Variants in HTR3B observed in about 807,000 individuals in gnomAD.
The protein encoded by HTR3B is 5-hydroxytryptamine (serotonin) receptor 3B, ionotropic.
Under a neutral mutation model 42.8 loss-of-function variants are expected in HTR3B, and 44 were observed. The observed-to-expected ratio is 1.03, with a 90% CI of 0.81 to 1.32. HTR3B has a LOEUF of 1.32. Ranked by LOEUF, HTR3B falls within the 40% of genes most tolerant of loss-of-function variation. HTR3B has a pLI of 0.00. For synonymous variants in HTR3B, 203 were observed against 209.0 expected, an observed-to-expected ratio of 0.97 and a Z score of 0.25; for missense variants, 527 against 536.5, an observed-to-expected ratio of 0.98 and a Z score of 0.17.
At chr11:113,935,622 T>C (rs141485509) in intron 6 of HTR3B, among the ~76,000 whole-genome samples, 1 of 152,286 alleles carries the variant, frequency 6.6e-6, no homozygotes, top group Non-Finnish European at 1.5e-5. Flanking sequence ...TCTTACTCCA[T>C]ACCAGACATC....
At chr11:113,919,223 G>C (rs1172790691) in intron 2 of HTR3B, among the ~76,000 whole-genome samples, 2 of 151,936 alleles carry the variant, frequency 1.3e-5, no homozygotes, top group Non-Finnish European at 2.9e-5. Flanking sequence ...AGTGTACTTA[G>C]AATTAATATT....
intron 6 of HTR3B, among the ~76,000 whole-genome samples, chr11:113,940,809 G>C (rs959760547): frequency 5.9e-5 from 9 of 152,302 alleles, no homozygotes; most frequent in South Asian, 2.1e-4. Flanking sequence ...ACTGGCCTTT[G>C]CACTTCATCT....
intron 2 of HTR3B, among the ~76,000 whole-genome samples, chr11:113,922,053 C>G (rs887736375): frequency 2.0e-5 from 3 of 152,132 alleles, no homozygotes; most frequent in Non-Finnish European, 2.9e-5. Flanking sequence ...GTAAGTCATT[C>G]ATTCTGCTAT....
intron 2 of HTR3B, among the ~76,000 whole-genome samples, chr11:113,913,613 C>T (rs1591572027): frequency 6.6e-6 from 1 of 152,142 alleles, no homozygotes; most frequent in South Asian, 2.1e-4. Context: ...CTCCCAGGTT[C>T]AAGCCATACT....
chr11:113,944,682 C>G lies in HTR3B; in HGVS notation c.1017C>G (p.Phe339Leu). ...AGCGTGGTGGACAGGAGCAGCCCTT[C>G]TTGTGCCTTCGAGGGGACACCGATG... ...DEQRGGQEQP[F>L]LCLRGDTDAD... The change falls in exon 8 of 9, where the codon TTC (phenylalanine) becomes TTG (leucine). Residue 339 changes from phenylalanine (F) to leucine (L), a missense_variant. Phe to Leu is a conservative substitution (Grantham distance 22). Transcript: ENST00000260191. 1 of 1,614,136 alleles carries G rather than the reference C, an allele frequency of 6.2e-7. No homozygotes were observed. The highest frequency in any genetic ancestry group is 8.5e-7 in the Non-Finnish European group (1 of 1,180,030).
chr11:113,942,097 C>T (rs11605098), intron 6 of HTR3B, among the ~76,000 whole-genome samples: 30,047 of 151,980 alleles, frequency 0.2, 3,232 homozygotes, highest in South Asian at 0.33. Flanking sequence ...AAGCCAGGCA[C>T]GGTGGCTCAC....
Position 113,931,815 on chromosome 11 carries a change from A to G in HTR3B, c.316A>G (p.Ile106Val), listed in dbSNP as rs1489249520. Residue 106 changes from isoleucine (I) to valine (V), a missense_variant, in exon 4 of 9, where the codon ATC becomes GTC. Coordinates refer to ENST00000260191, the MANE Select transcript of HTR3B (RefSeq NM_006028.5). Reference protein sequence around the residue: ...NSSMFDEIREISLPLSAIWAP... With the variant: ...NSSMFDEIREVSLPLSAIWAP... ...CAGCATGTTTGATGAGATTAGAGAGATCTCCCTACCTCTAAGTGCCATCTG... is the reference window on the plus strand; with the variant it reads ...CAGCATGTTTGATGAGATTAGAGAGGTCTCCCTACCTCTAAGTGCCATCTG... 2 of 1,612,598 alleles carry G rather than the reference A, an allele frequency of 1.2e-6. No homozygotes were observed. The highest frequency in any genetic ancestry group is 1.7e-5 in the Admixed American group (1 of 59,990).
rs1325069998 is a variant in HTR3B, at chr11:113,948,765, A to G, written c.*2628A>G. On this transcript the variant is annotated 3_prime_UTR_variant, in exon 9 of 9. Coordinates refer to ENST00000260191, the MANE Select transcript of HTR3B (RefSeq NM_006028.5). ...GTAATCCCACCTACTCGGGGGGCTG[A>G]GGCAGGAGAATCGCTTGAACCCAGG... Among the ~76,000 whole-genome samples, 1 of 152,012 alleles carries G rather than the reference A, an allele frequency of 6.6e-6. No individual in the cohort carries two copies. Among genetic ancestry groups the G allele is most frequent in the Admixed American group, 6.6e-5 (1 of 15,254 alleles).
Position 113,931,848 on chromosome 11 carries a change from G to T in HTR3B, c.349G>T (p.Asp117Tyr). The change falls in exon 4 of 9, where the codon GAT (aspartate) becomes TAT (tyrosine). Residue 117 changes from aspartate (D) to tyrosine (Y), a missense_variant. Asp to Tyr is a radical substitution (Grantham distance 160). Coordinates refer to ENST00000260191, the MANE Select transcript of HTR3B (RefSeq NM_006028.5). ...SLPLSAIWAP[D>Y]IIINEFVDIE... ...ACCTCTAAGTGCCATCTGGGCCCCC[G>T]ATATCATCATCAATGAGTTGTAAGT... The T allele has an allele frequency of 6.3e-7, 1 of 1,588,440 alleles. No homozygotes were observed. Among genetic ancestry groups the T allele is most frequent in the Non-Finnish European group, 8.6e-7 (1 of 1,156,598 alleles).
chr11:113,939,291 G>A (rs184906971), intron 6 of HTR3B, among the ~76,000 whole-genome samples: 3 of 152,290 alleles, frequency 2.0e-5, no homozygotes, highest in African/African-American at 7.2e-5. Context: ...TTCATTTACT[G>A]TTGACATCCA....
chr11:113,928,466 T>G (rs1334739735), intron 2 of HTR3B, among the ~76,000 whole-genome samples: 1 of 152,214 alleles, frequency 6.6e-6, no homozygotes, highest in Admixed American at 6.5e-5. Flanking sequence ...TATTTGTCCT[T>G]CTGTGACTGG....
intron 2 of HTR3B, among the ~76,000 whole-genome samples, chr11:113,927,683 C>T (rs1349906646): frequency 6.6e-6 from 1 of 152,002 alleles, no homozygotes; most frequent in Non-Finnish European, 1.5e-5. Context: ...CTACCTCAGC[C>T]TCCCGAGTAG....
At chr11:113,940,330 G>A (rs1257007304) in intron 6 of HTR3B, among the ~76,000 whole-genome samples, 6 of 152,144 alleles carry the variant, frequency 3.9e-5, no homozygotes, top group Non-Finnish European at 7.4e-5. Context: ...GTCAGCAGGG[G>A]TGGTCACCCC....
chr11:113,914,412 C>G (rs7927816), intron 2 of HTR3B, among the ~76,000 whole-genome samples: 1 of 149,876 alleles, frequency 6.7e-6, no homozygotes, highest in African/African-American at 2.5e-5. Context: ...TGCAGTGAGC[C>G]GAGATCACGC....
intron 8 of HTR3B, 113 bp downstream of exon 8, chr11:113,944,868 C>T: frequency 2.1e-6 from 2 of 933,256 alleles, no homozygotes; most frequent in Non-Finnish European, 3.2e-6. Flanking sequence ...CCTACAACAA[C>T]TGCTTCTTAG....
Position 113,931,420 on chromosome 11 carries a change from T to C in HTR3B, c.250T>C (p.Tyr84His). ...ENQILKTSVW[Y>H]QEVWNDEFLS... ...TCAAATATTAAAGACAAGTGTATGGTACCAAGAGGTAAATAATTATGTTTT... is the reference window on the plus strand; with the variant it reads ...TCAAATATTAAAGACAAGTGTATGGCACCAAGAGGTAAATAATTATGTTTT... The change falls in exon 3 of 9, where the codon TAC becomes CAC. Residue 84 changes from tyrosine to histidine, a missense_variant. Tyr to His is a moderately conservative substitution (Grantham distance 83, BLOSUM62 2). Transcript: ENST00000260191. 6.3e-7 allele frequency: 1 copy of C among 1,590,702 alleles called. No individual in the cohort carries two copies. The highest frequency in any genetic ancestry group is 8.6e-7 in the Non-Finnish European group (1 of 1,164,822).
intron 2 of HTR3B, among the ~76,000 whole-genome samples, chr11:113,914,541 G>C (rs1298616973): frequency 2.0e-5 from 3 of 150,976 alleles, no homozygotes; most frequent in Non-Finnish European, 3.0e-5. Context: ...GGAGTCCAGG[G>C]ACACAATCTC....
chr11:113,940,680 G>A (rs1348841504), intron 6 of HTR3B, among the ~76,000 whole-genome samples: 1 of 152,210 alleles, frequency 6.6e-6, no homozygotes, highest in East Asian at 1.9e-4. Context: ...GGCTTGCCAA[G>A]CTCCACAGAG....
At chr11:113,918,203 T>C (rs1260912496) in intron 2 of HTR3B, among the ~76,000 whole-genome samples, 1 of 151,950 alleles carries the variant, frequency 6.6e-6, no homozygotes, top group Non-Finnish European at 1.5e-5. Context: ...ACAGTGTCAA[T>C]ACTAGAAAAT....
Sources: allele counts gnomAD v4.1 joint callset (sites outside exome capture counted in the v4.1 genomes callset), GRCh38; gene constraint gnomAD v4.1.1; transcripts MANE v1.5; gene names NCBI Gene and HGNC (gene_info 2026-07-23, HGNC 2026-07-21).